The following USP20 variants were observed in gnomAD, a reference collection of about 807,000 sequenced individuals.
USP20 encodes the protein ubiquitin carboxyl-terminal hydrolase 20.
Under a neutral mutation model 124.2 loss-of-function variants are expected in USP20, and 80 were observed. That is an observed-to-expected ratio of 0.64 (90% CI 0.54 to 0.78). USP20 has a LOEUF of 0.78. Ranked by LOEUF, USP20 falls within the 30% of genes least tolerant of loss-of-function variation. USP20 has a pLI of 0.00. For synonymous variants in USP20, 481 were observed against 512.3 expected (o/e 0.94, Z 0.83); for missense variants, 1,043 against 1,244.4 (o/e 0.84, Z 2.44).
At position 129,869,402 on chromosome 9, in the gene USP20, G is replaced by T; in HGVS notation, c.1369G>T (p.Val457Leu). Residue 457 changes from valine (V) to leucine (L), a missense_variant, in exon 13 of 26, where the codon GTG becomes TTG. Physicochemically the swap from Val to Leu is conservative, Grantham distance 32 (BLOSUM62 1). Coordinates refer to ENST00000372429, the MANE Select transcript of USP20 (RefSeq NM_001110303.4). Reference protein sequence around the residue: ...DIFDGSILSLVQCLTCDRVST... With the variant: ...DIFDGSILSLLQCLTCDRVST... ...CTTTGACGGCTCCATTCTCAGCCTT[G>T]TGCAGTGTCTCACCTGTGACCGGGT... 6.2e-7 allele frequency: 1 copy of T among 1,613,606 alleles called. No homozygotes were observed. Among genetic ancestry groups the T allele is most frequent in the African/African-American group, 1.3e-5 (1 of 75,048 alleles).
At position 129,875,252 on chromosome 9, in the gene USP20, A is replaced by G. The variant is rs1347472697; in HGVS notation, c.2049-58A>G. ...AGGTGCACTGGGATGGGGGCTCTGCATGTGTCTGAAGGTGGCAGCCGTCAG... is the reference window on the plus strand; with the variant it reads ...AGGTGCACTGGGATGGGGGCTCTGCGTGTGTCTGAAGGTGGCAGCCGTCAG... On this transcript the variant is annotated intron_variant, in intron 19 of 25. Coordinates refer to ENST00000372429, the MANE Select transcript of USP20 (RefSeq NM_001110303.4). 2.6e-6 allele frequency: 4 copies of G among 1,513,470 alleles called. No homozygotes were observed. The African/African-American group carries it at 4.1e-5, about 16-fold the overall frequency. 93.8% of individuals were successfully genotyped at this position (1,513,470 alleles called of 1,614,324 possible). A position where few individuals can be genotyped will look rare whatever the true frequency, so the allele number is the denominator to read the frequency against.
intron 14 of USP20, chr9:129,870,160 CT>C (rs2034044470): frequency 1.8e-6 from 1 of 564,204 alleles, no homozygotes. Flanking sequence ...TTTCCCAGGG[CT>C]GCCTCTCCTG....
intron 22 of USP20, among the ~76,000 whole-genome samples, chr9:129,878,053 C>CA (rs2034481202): frequency 6.6e-6 from 1 of 152,214 alleles, no homozygotes; most frequent in African/African-American, 2.4e-5. Flanking sequence ...GCCTGGGTGA[C>CA]AGAGTGAGAT....
intron 6 of USP20, among the ~76,000 whole-genome samples, chr9:129,859,688 CAG>C (rs1342594961): frequency 6.6e-6 from 1 of 152,174 alleles, no homozygotes; most frequent in Non-Finnish European, 1.5e-5. Flanking sequence ...GGCTATAAAA[CAG>C]TATATGCAAT....
intron 1 of USP20, among the ~76,000 whole-genome samples, chr9:129,842,244 G>C (rs993200800): frequency 6.6e-6 from 1 of 152,156 alleles, no homozygotes; most frequent in Non-Finnish European, 1.5e-5. Context: ...TGAACCCAGG[G>C]CTACTTGTCC....
At chr9:129,866,263 T>G (rs913321) in intron 10 of USP20, among the ~76,000 whole-genome samples, 133,480 of 152,190 alleles carry the variant, frequency 0.88, 58,927 homozygotes, top group East Asian at 1. Flanking sequence ...CAGGATGAAG[T>G]CTGCTGGGCC....
In USP20 at chr9:129,868,090, A is replaced by T; in HGVS notation, c.776A>T (p.Glu259Val). 1 of 1,614,022 alleles carries T rather than the reference A, an allele frequency of 6.2e-7. No individual in the cohort carries two copies. The highest frequency in any genetic ancestry group is 1.1e-5 in the South Asian group (1 of 91,080). Residue 259 changes from glutamate to valine, a missense_variant, in exon 11 of 26, where the codon GAG becomes GTG. Glu to Val is a moderately radical substitution (Grantham distance 121). Transcript: ENST00000372429. ...EPVVATVALTEARDSDSSDTD... is the reference protein window; with the variant it reads ...EPVVATVALTVARDSDSSDTD... ...GTGGTGGCCACGGTGGCGCTGACGG[A>T]GGCTCGGGACTCAGATTCGAGTGAC...
chr9:129,868,796 C>T lies in USP20; in HGVS notation c.1136-66C>T, dbSNP rs556321035. The T allele has an allele frequency of 1.3e-5, 20 of 1,502,288 alleles. No homozygotes were observed. The South Asian group carries it at 2.4e-4, about 18-fold the overall frequency. 93.1% of individuals were successfully genotyped at this position (1,502,288 alleles called of 1,614,324 possible). A position where few individuals can be genotyped will look rare whatever the true frequency, so the allele number is the denominator to read the frequency against. On this transcript the variant is annotated intron_variant, in intron 11 of 25. Transcript: ENST00000372429. ...CCTTTAGGAGGGGCTGGCAGGTCAT[C>T]TTCCTGCCCACTCGTGGAGCTGGCC...
At chr9:129,841,691 G>A (rs374067244) in intron 1 of USP20, among the ~76,000 whole-genome samples, 5 of 152,164 alleles carry the variant, frequency 3.3e-5, no homozygotes, top group East Asian at 1.9e-4. Flanking sequence ...GTTCAGAAGC[G>A]CAGGCTGCCC....
chr9:129,879,681 C>G lies in USP20; in HGVS notation c.2584+37C>G. The G allele has an allele frequency of 6.2e-7, 1 of 1,609,498 alleles. No individual in the cohort carries two copies. The highest frequency in any genetic ancestry group is 1.1e-5 in the South Asian group (1 of 90,972). ...CTGGGGTCAGCCAGGCTCCTCTCTG[C>G]CCTTCCTGGCTGCCAGGCTGCTGCC... On this transcript the variant is annotated intron_variant, in intron 24 of 25. Transcript: ENST00000372429. This position sits in a 1 kb window ranked among gnomAD's most constrained non-coding sequence, Gnocchi z 4.2.
intron 1 of USP20, among the ~76,000 whole-genome samples, chr9:129,837,711 G>C (rs543158246): frequency 9.2e-4 from 140 of 152,318 alleles, no homozygotes; most frequent in African/African-American, 3.2e-3. Flanking sequence ...ACCTCCGGGA[G>C]GGTGGCAAGG....
intron 2 of USP20, among the ~76,000 whole-genome samples, chr9:129,851,871 A>G (rs1389937542): frequency 6.6e-6 from 1 of 151,962 alleles, no homozygotes; most frequent in East Asian, 1.9e-4. Context: ...TTTGGCAAAC[A>G]CAGACTGCTT....
At position 129,876,247 on chromosome 9, in the gene USP20, G is replaced by A. The variant is rs749970710; in HGVS notation, c.2409+9G>A. Reference sequence around the variant, plus strand: ...TCGACACCTTCATCAAGGTGCGTGCGGCGAGGCGGCGCGGGGGCGGCTCTG... The same window carrying A: ...TCGACACCTTCATCAAGGTGCGTGCAGCGAGGCGGCGCGGGGGCGGCTCTG... On this transcript the variant is annotated intron_variant, in intron 22 of 25. Transcript: ENST00000372429. 1.6e-5 allele frequency: 26 copies of A among 1,604,256 alleles called. No individual in the cohort carries two copies. Among genetic ancestry groups the A allele is most frequent in the Non-Finnish European group, 2.0e-5 (24 of 1,175,780 alleles).
intron 1 of USP20, among the ~76,000 whole-genome samples, chr9:129,847,023 T>C (rs1378576740): frequency 6.6e-6 from 1 of 152,228 alleles, no homozygotes; most frequent in Non-Finnish European, 1.5e-5. Flanking sequence ...TGTATGGGTA[T>C]ATCATGTTTT....
chr9:129,849,587 C>T (rs2032783714), intron 1 of USP20, among the ~76,000 whole-genome samples: 1 of 152,126 alleles, frequency 6.6e-6, no homozygotes, highest in Admixed American at 6.6e-5. Flanking sequence ...AAACAAGACC[C>T]TGTCTCTACA....
chr9:129,865,306 A>G lies in USP20; in HGVS notation c.615A>G (p.Pro205=). The G allele has an allele frequency of 6.2e-7, 1 of 1,614,112 alleles. No individual in the cohort carries two copies. ...AATGGGTTTGGGCTTCCTACAGGCC[A>G]AGCTACGTGGTCCCCACCAGTCTGT... ...LVSEVWHKKR[P]SYVVPTSLSH... Residue 205 remains proline, a synonymous_variant, in exon 10 of 26, where the codon CCA becomes CCG. Transcript: ENST00000372429.
At chr9:129,870,862 G>T (rs1346461181) in intron 15 of USP20, among the ~76,000 whole-genome samples, 1 of 151,994 alleles carries the variant, frequency 6.6e-6, no homozygotes, top group Non-Finnish European at 1.5e-5. Flanking sequence ...TACATTTTTT[G>T]TTAAATATAC....
intron 1 of USP20, among the ~76,000 whole-genome samples, chr9:129,841,400 A>G (rs1588236874): frequency 1.3e-5 from 2 of 152,346 alleles, no homozygotes; most frequent in Admixed American, 6.5e-5. Flanking sequence ...CATTATCTTC[A>G]AATATGATTA....
In USP20 at chr9:129,858,220, G is replaced by T. The variant is rs567307679; in HGVS notation, c.198+108G>T. On this transcript the variant is annotated intron_variant, in intron 5 of 25. Transcript: ENST00000372429. ...CTAAATGGCTGGGGCAATAAATGGT[G>T]TCATCCTAGCATAGCTTCTGCAAAG... is the stretch of plus-strand genomic sequence containing the variant. 291 of 1,288,448 alleles carry T rather than the reference G, an allele frequency of 2.3e-4. 1 individual carries two copies. In the African/African-American group the frequency reaches 4.0e-3, roughly 18 times the overall value. 79.8% of individuals were successfully genotyped at this position (1,288,448 alleles called of 1,614,324 possible). A position where few individuals can be genotyped will look rare whatever the true frequency, so the allele number is the denominator to read the frequency against.
Sources: gnomAD v4.1 joint callset for allele counts (sites outside exome capture counted in the v4.1 genomes callset) on GRCh38, gnomAD v4.1.1 for gene constraint, Gnocchi (gnomAD v3.1) non-coding constraint, MANE v1.5 for transcripts, NCBI Gene and HGNC (gene_info 2026-07-23, HGNC 2026-07-21) for gene names.